Variants in ITPKB observed in about 807,000 individuals in gnomAD.
ITPKB encodes the protein IP3 3-kinase B.
In ITPKB, 13 loss-of-function variants were observed where a neutral mutation model predicts 69.4. The observed-to-expected ratio is 0.19, with a 90% CI of 0.12 to 0.30. The LOEUF is 0.30. Ranked by LOEUF, ITPKB falls within the 10% of genes least tolerant of loss-of-function variation. The pLI is 1.00. For missense variants in ITPKB, 1,240 were observed against 1,250.5 expected, an observed-to-expected ratio of 0.99 and a Z score of 0.13; for synonymous variants, 584 against 513.7, an observed-to-expected ratio of 1.14 and a Z score of -1.85.
chr1:226,645,004 T>C (rs1235013141), intron 4 of ITPKB, among the ~76,000 whole-genome samples: 1 of 152,128 alleles, frequency 6.6e-6, no homozygotes, highest in African/African-American at 2.4e-5. Context: ...GGGGGCCTGA[T>C]TTGCAGTCAA....
At chr1:226,649,526 G>A (rs1324858250) in intron 2 of ITPKB, among the ~76,000 whole-genome samples, 6 of 151,290 alleles carry the variant, frequency 4.0e-5, no homozygotes, top group Non-Finnish European at 4.4e-5. Flanking sequence ...TGTGTGTGAT[G>A]TGTGCATGTG....
chr1:226,648,125 C>T (rs1352671394), intron 3 of ITPKB, among the ~76,000 whole-genome samples: 1 of 151,976 alleles, frequency 6.6e-6, no homozygotes. Context: ...GACTCAGCTC[C>T]TAGCCACCTT....
At chr1:226,672,155 A>G (rs772799173) in intron 2 of ITPKB, among the ~76,000 whole-genome samples, 5 of 152,158 alleles carry the variant, frequency 3.3e-5, no homozygotes, top group Non-Finnish European at 5.9e-5. Flanking sequence ...GAGAAATAAA[A>G]ATTTTTTATC....
chr1:226,720,225 C>T (rs1657199671), intron 2 of ITPKB, among the ~76,000 whole-genome samples: 1 of 152,214 alleles, frequency 6.6e-6, no homozygotes, highest in Non-Finnish European at 1.5e-5. Context: ...CACTCTCTTT[C>T]CCCCGGGGTC....
intron 2 of ITPKB, among the ~76,000 whole-genome samples, chr1:226,661,972 C>T (rs1669411043): frequency 6.6e-6 from 1 of 152,196 alleles, no homozygotes; most frequent in African/African-American, 2.4e-5. Flanking sequence ...ATGAAAAGTC[C>T]TATTCCTTGA....
chr1:226,733,424 T>C (rs749167283), intron 2 of ITPKB, among the ~76,000 whole-genome samples: 13 of 152,128 alleles, frequency 8.5e-5, no homozygotes, highest in Admixed American at 1.3e-4. Context: ...TTTGACCCAA[T>C]GAGCTGATGT....
chr1:226,668,174 G>C (rs971056189), intron 2 of ITPKB, among the ~76,000 whole-genome samples: 5 of 152,164 alleles, frequency 3.3e-5, no homozygotes, highest in African/African-American at 1.2e-4. Context: ...CTGAACAATT[G>C]CTGCATTATT....
chr1:226,638,650 C>T (rs1006447058), intron 6 of ITPKB, among the ~76,000 whole-genome samples: 13 of 152,152 alleles, frequency 8.5e-5, no homozygotes, highest in Non-Finnish European at 7.3e-5. Flanking sequence ...GCCGCTGCAG[C>T]AGCAACACAC....
Position 226,634,362 on chromosome 1 carries a change from C to CA in ITPKB, c.*308dup, listed in dbSNP as rs1218654856. ...GTGCTTCCTAGGGGGCTCCCAGAGG[C>CA]AGGGCTCATCTGGTAGGGTCCCCTC... On this transcript the variant is annotated 3_prime_UTR_variant, in exon 8 of 8. Transcript: ENST00000429204. This position sits in a 1 kb window ranked among gnomAD's most constrained non-coding sequence, Gnocchi z 6.3. 1 of 353,498 alleles carries CA rather than the reference C, an allele frequency of 2.8e-6. No individual in the cohort carries two copies. The allele number at this position is 353,498 out of a possible 1,614,324, so 21.9% of individuals were successfully genotyped here. A position where few individuals can be genotyped will look rare whatever the true frequency, so the allele number is the denominator to read the frequency against.
At chr1:226,709,439 G>A (rs1656887264) in intron 2 of ITPKB, among the ~76,000 whole-genome samples, 2 of 152,158 alleles carry the variant, frequency 1.3e-5, no homozygotes, top group African/African-American at 4.8e-5. Flanking sequence ...AATGTCTGAT[G>A]TGCATTTTAT....
At chr1:226,708,340 G>A (rs1273793645) in intron 2 of ITPKB, among the ~76,000 whole-genome samples, 2 of 152,128 alleles carry the variant, frequency 1.3e-5, no homozygotes, top group Non-Finnish European at 2.9e-5. Flanking sequence ...GCCTCAAACC[G>A]TTGGTAGAAT....
At chr1:226,696,319 G>A (rs908632360) in intron 2 of ITPKB, among the ~76,000 whole-genome samples, 7 of 95,612 alleles carry the variant, frequency 7.3e-5, no homozygotes, top group South Asian at 2.7e-4. Flanking sequence ...ATAGATCTAC[G>A]TGTGTGTGTG....
intron 2 of ITPKB, among the ~76,000 whole-genome samples, chr1:226,694,863 C>G (rs1656439244): frequency 6.6e-6 from 1 of 152,238 alleles, no homozygotes; most frequent in Non-Finnish European, 1.5e-5. Flanking sequence ...CTGGCTTGAT[C>G]AAGGTCCACA....
chr1:226,653,667 A>G (rs1456756034), intron 2 of ITPKB, among the ~76,000 whole-genome samples: 1 of 152,220 alleles, frequency 6.6e-6, no homozygotes, highest in African/African-American at 2.4e-5. Context: ...GTGGAAAGGA[A>G]AGCACCACAA....
chr1:226,647,113 T>G (rs1669078211), intron 4 of ITPKB, 54 bp downstream of exon 4: 2 of 1,539,692 alleles, frequency 1.3e-6, no homozygotes, highest in African/African-American at 2.7e-5. Flanking sequence ...GCTGTGCACC[T>G]GCCATGTGGC....
chr1:226,701,832 T>C (rs528576968), intron 2 of ITPKB, among the ~76,000 whole-genome samples: 2 of 152,234 alleles, frequency 1.3e-5, no homozygotes, highest in South Asian at 4.1e-4. Context: ...GCAGATGTCA[T>C]GATGACTGAA....
Position 226,634,931 on chromosome 1 carries a change from C to T in ITPKB, c.2626-45G>A, listed in dbSNP as rs771280625. The T allele has an allele frequency of 2.6e-6, 4 of 1,512,792 alleles. No homozygotes were observed. The highest frequency in any genetic ancestry group is 2.3e-5 in the East Asian group (1 of 43,352). 93.7% of individuals were successfully genotyped at this position (1,512,792 alleles called of 1,614,324 possible). A position where few individuals can be genotyped will look rare whatever the true frequency, so the allele number is the denominator to read the frequency against. Reference sequence around the variant, plus strand: ...GAAGGGTGAGCTGAAGCCCGGGCCTCGCCCTCCCCACTGCGGCCCGGGGCC... The same window carrying T: ...GAAGGGTGAGCTGAAGCCCGGGCCTTGCCCTCCCCACTGCGGCCCGGGGCC... On this transcript the variant is annotated intron_variant, in intron 7 of 7. Transcript: ENST00000429204. The surrounding 1 kb of genome is among the most constrained non-coding windows in gnomAD (Gnocchi z 6.3).
chr1:226,730,444 T>G (rs1657556873), intron 2 of ITPKB, among the ~76,000 whole-genome samples: 1 of 152,176 alleles, frequency 6.6e-6, no homozygotes, highest in Non-Finnish European at 1.5e-5. Flanking sequence ...ACATCTTTCA[T>G]GATGCCAATT....
chr1:226,693,607 T>C (rs1215356072), intron 2 of ITPKB, among the ~76,000 whole-genome samples: 2 of 152,254 alleles, frequency 1.3e-5, no homozygotes, highest in Admixed American at 6.5e-5. Context: ...AATGCTGTTA[T>C]TTTCTATTCT....
Sources: allele counts gnomAD v4.1 joint callset (sites outside exome capture counted in the v4.1 genomes callset), GRCh38; gene constraint gnomAD v4.1.1; non-coding constraint Gnocchi (gnomAD v3.1); transcripts MANE v1.5; gene names NCBI Gene and HGNC (gene_info 2026-07-23, HGNC 2026-07-21).